NOL4: variants seen among roughly 807,000 people sequenced by gnomAD.
The protein encoded by NOL4 is cancer/testis antigen 125.
NOL4 carries 17 observed loss-of-function variants against 75.9 expected under a neutral mutation model. The ratio of observed to expected loss-of-function variants is 0.22; its 90% CI spans 0.15 to 0.34. The LOEUF (loss-of-function observed/expected upper bound fraction) is 0.34. Among genes scored for constraint, NOL4 ranks in the 10% least tolerant of loss-of-function variants. The pLI is 1.00. For missense variants in NOL4, 614 were observed against 793.5 expected, an observed-to-expected ratio of 0.77 and a Z score of 2.72; for synonymous variants, 292 against 289.9, an observed-to-expected ratio of 1.01 and a Z score of -0.07.
chr18:34,085,301 T>C (rs2078195715), intron 5 of NOL4, among the ~76,000 whole-genome samples: 1 of 152,204 alleles, frequency 6.6e-6, no homozygotes, highest in African/African-American at 2.4e-5. Context: ...ATTTGGCATC[T>C]CCTGGAGGTG....
At position 33,903,976 on chromosome 18, in the gene NOL4, A is replaced by T. The variant is rs149079188; in HGVS notation, c.1543-20552T>A. On this transcript the variant is annotated intron_variant, in intron 9 of 10. Coordinates refer to ENST00000261592, the MANE Select transcript of NOL4 (RefSeq NM_003787.5). ...GTTTCGAGAGCTAAAACTAGTTCAA[A>T]CTCTCCAAATCAAAGATGGATTCAC... 1.5e-3 allele frequency among the ~76,000 whole-genome samples: 225 copies of T among 152,204 alleles called. 1 individual carries two copies. The highest frequency in any genetic ancestry group is 5.1e-3 in the African/African-American group (213 of 41,522).
At chr18:34,008,111 A>G (rs1292088058) in intron 6 of NOL4, among the ~76,000 whole-genome samples, 2 of 151,972 alleles carry the variant, frequency 1.3e-5, no homozygotes, top group East Asian at 1.9e-4. Context: ...AGGTGGAGAA[A>G]GGGCAAGTCC....
intron 10 of NOL4, among the ~76,000 whole-genome samples, chr18:33,858,217 A>C (rs2062924188): frequency 6.6e-6 from 1 of 152,094 alleles, no homozygotes; most frequent in African/African-American, 2.4e-5. Context: ...TAGCTTTTGC[A>C]GTAAAATGTG....
In NOL4 at chr18:34,049,072, G is replaced by A. The variant is rs1010020646; in HGVS notation, c.773-29471C>T. ...CAACTTGAAGGTTAGATACAGGCGC[G>A]CGCACACACACACACACACACACAC... On this transcript the variant is annotated intron_variant, in intron 5 of 10. Transcript: ENST00000261592. Among the ~76,000 whole-genome samples the A allele has an allele frequency of 4.0e-5, 5 of 126,350 alleles. No individual in the cohort carries two copies. The East Asian group carries it at 7.7e-4, about 19-fold the overall frequency. The allele number at this position is 126,350 out of a possible 152,430, so 82.9% of individuals were successfully genotyped here. A position where few individuals can be genotyped will look rare whatever the true frequency, so the allele number is the denominator to read the frequency against.
chr18:34,149,362 T>C (rs2081547344), intron 1 of NOL4, among the ~76,000 whole-genome samples: 1 of 151,606 alleles, frequency 6.6e-6, no homozygotes. Flanking sequence ...TTGTGAATAA[T>C]AATCCCAGAA....
chr18:34,140,756 TGCAGTTTCTTCCTA>T (rs2081115284), intron 1 of NOL4, among the ~76,000 whole-genome samples: 1 of 152,208 alleles, frequency 6.6e-6, no homozygotes. Flanking sequence ...CGCTAGTTGA[TGCAGTTTCTTCCTA>T]GCATCAGTGG....
At chr18:34,147,142 T>C (rs1376868482) in intron 1 of NOL4, among the ~76,000 whole-genome samples, 1 of 152,180 alleles carries the variant, frequency 6.6e-6, no homozygotes, top group African/African-American at 2.4e-5. Context: ...GTTTTCTAAA[T>C]ATACAATCAT....
At chr18:34,190,980 T>A (rs1854608201) in intron 1 of NOL4, among the ~76,000 whole-genome samples, 1 of 152,018 alleles carries the variant, frequency 6.6e-6, no homozygotes, top group African/African-American at 2.4e-5. Flanking sequence ...ATTATAAGTA[T>A]CCCATGTTAC....
intron 5 of NOL4, among the ~76,000 whole-genome samples, chr18:34,024,194 A>AAAAAATATATATATAT: frequency 1.1e-4 from 8 of 70,680 alleles, no homozygotes; most frequent in Non-Finnish European, 1.9e-4. Flanking sequence ...AAAAAAAAAA[A>AAAAAATATATATATAT]ATATATATAT....
intron 1 of NOL4, among the ~76,000 whole-genome samples, chr18:34,198,007 A>C (rs1329147799): frequency 1.3e-5 from 2 of 151,952 alleles, no homozygotes; most frequent in East Asian, 3.9e-4. Context: ...AATTTAAACA[A>C]AATTTACAAG....
chr18:34,147,845 C>T (rs2081471369), intron 1 of NOL4, among the ~76,000 whole-genome samples: 1 of 151,988 alleles, frequency 6.6e-6, no homozygotes, highest in South Asian at 2.1e-4. Context: ...CCATCTGATC[C>T]TGGGTCTTTT....
chr18:34,051,746 T>A (rs1314713865), intron 5 of NOL4, among the ~76,000 whole-genome samples: 1 of 151,912 alleles, frequency 6.6e-6, no homozygotes, highest in African/African-American at 2.4e-5. Context: ...CAGAAAGAAA[T>A]GTCTACTATA....
chr18:34,090,893 AG>A (rs917605241), intron 5 of NOL4, among the ~76,000 whole-genome samples: 1 of 152,112 alleles, frequency 6.6e-6, no homozygotes, highest in Non-Finnish European at 1.5e-5. Context: ...GCAGAGAAAT[AG>A]GGTGATGAAT....
intron 9 of NOL4, among the ~76,000 whole-genome samples, chr18:33,915,946 C>A (rs764354139): frequency 3.3e-5 from 5 of 152,014 alleles, no homozygotes; most frequent in African/African-American, 1.2e-4. Flanking sequence ...AATTTATTCC[C>A]AAATTGCAAA....
intron 6 of NOL4, among the ~76,000 whole-genome samples, chr18:33,991,449 T>C (rs979544030): frequency 2.0e-5 from 3 of 152,118 alleles, no homozygotes; most frequent in Non-Finnish European, 4.4e-5. Flanking sequence ...TGACAGCCAT[T>C]AAATTATCTT....
chr18:34,133,399 A>T (rs1455913551), intron 1 of NOL4, among the ~76,000 whole-genome samples: 5 of 151,940 alleles, frequency 3.3e-5, no homozygotes, highest in Non-Finnish European at 5.9e-5. Flanking sequence ...GGTAAATGAC[A>T]TCAGACAGTA....
At chr18:33,924,198 C>G (rs1359201306) in intron 9 of NOL4, among the ~76,000 whole-genome samples, 1 of 152,206 alleles carries the variant, frequency 6.6e-6, no homozygotes, top group Non-Finnish European at 1.5e-5. Flanking sequence ...GGTCAGCTCC[C>G]TGCAGCTGCG....
At chr18:34,068,731 T>C (rs539490724) in intron 5 of NOL4, among the ~76,000 whole-genome samples, 3 of 152,302 alleles carry the variant, frequency 2.0e-5, no homozygotes, top group Admixed American at 6.5e-5. Context: ...CTCACAGTAA[T>C]TGTATTCCAA....
At chr18:34,083,866 C>T (rs997375634) in intron 5 of NOL4, among the ~76,000 whole-genome samples, 3 of 152,116 alleles carry the variant, frequency 2.0e-5, no homozygotes, top group Admixed American at 6.5e-5. Context: ...CATCCATGGA[C>T]GTTGTTGTTG....
Sources: gnomAD v4.1 joint callset for allele counts (sites outside exome capture counted in the v4.1 genomes callset) on GRCh38, gnomAD v4.1.1 for gene constraint, MANE v1.5 for transcripts, NCBI Gene and HGNC (gene_info 2026-07-23, HGNC 2026-07-21) for gene names.